The following ABHD2 variants were observed in gnomAD, a reference collection of about 807,000 sequenced individuals.
ABHD2 encodes abhydrolase domain containing 2, acylglycerol lipase.
ABHD2 carries 20 observed loss-of-function variants against 48.1 expected under a neutral mutation model. The ratio of observed to expected loss-of-function variants is 0.42; its 90% CI spans 0.29 to 0.60. The LOEUF (loss-of-function observed/expected upper bound fraction) is 0.60. Among genes scored for constraint, ABHD2 ranks in the 20% least tolerant of loss-of-function variants. The probability of loss-of-function intolerance (pLI) is 0.24; values close to 1 mark genes in which losing one functional copy is unlikely to be tolerated. For missense variants in ABHD2, 405 were observed against 550.9 expected, an observed-to-expected ratio of 0.74 and a Z score of 2.65; for synonymous variants, 209 against 214.2, an observed-to-expected ratio of 0.98 and a Z score of 0.21.
chr15:89,136,556 G>GC (rs34649557), intron 3 of ABHD2: 52,508 of 293,068 alleles, frequency 0.18, 5,494 homozygotes, highest in Admixed American at 0.31. Flanking sequence ...GCTCTCACTT[G>GC]CCCCAGTGCT....
chr15:89,056,131 A>G, the ABHD2 span, among the ~76,000 whole-genome samples: 1 of 152,174 alleles, frequency 6.6e-6, no homozygotes, highest in Admixed American at 6.5e-5. Flanking sequence ...GGGATTACAG[A>G]TGTGAGCTGC....
rs1017597133 is a variant in ABHD2, at chr15:89,114,437, G to A, written c.-7+613G>A. On this transcript the variant is annotated intron_variant, in intron 2 of 10. Transcript: ENST00000352732. The surrounding 1 kb of genome is among the most constrained non-coding windows in gnomAD (Gnocchi z 4.2). Reference sequence around the variant, plus strand: ...CAGCTTTCAGGGGATATGACCCCAGGAGTGAGGAGGAGTGTCACCAGAAGT... The same window carrying A: ...CAGCTTTCAGGGGATATGACCCCAGAAGTGAGGAGGAGTGTCACCAGAAGT... Among the ~76,000 whole-genome samples, 3 of 152,118 alleles carry A rather than the reference G, an allele frequency of 2.0e-5. No individual in the cohort carries two copies. The highest frequency in any genetic ancestry group is 3.9e-4 in the East Asian group (2 of 5,192).
the ABHD2 span, among the ~76,000 whole-genome samples, chr15:89,058,677 G>A: frequency 6.6e-6 from 1 of 152,082 alleles, no homozygotes; most frequent in Non-Finnish European, 1.5e-5. Context: ...GTTGTGACAG[G>A]CCAAGTCCCT....
intron 3 of ABHD2, among the ~76,000 whole-genome samples, chr15:89,133,828 T>G (rs976427048): frequency 2.1e-5 from 3 of 140,858 alleles, no homozygotes; most frequent in Non-Finnish European, 4.5e-5. Context: ...GTATTTGCCA[T>G]GCATAATTTT....
At chr15:89,108,060 T>C (rs2049815203) in intron 1 of ABHD2, among the ~76,000 whole-genome samples, 2 of 152,160 alleles carry the variant, frequency 1.3e-5, no homozygotes, top group Non-Finnish European at 2.9e-5. Flanking sequence ...TTAGCTGTCA[T>C]CTGAATTGAT....
Position 89,120,314 on chromosome 15 carries a change from T to C in ABHD2, c.194+3793T>C, listed in dbSNP as rs1452506992. 2.0e-5 allele frequency among the ~76,000 whole-genome samples: 3 copies of C among 152,208 alleles called. No homozygotes were observed. The highest frequency in any genetic ancestry group is 4.8e-5 in the African/African-American group (2 of 41,452). On this transcript the variant is annotated intron_variant, in intron 3 of 10. Transcript: ENST00000352732. The surrounding 1 kb of genome is among the most constrained non-coding windows in gnomAD (Gnocchi z 4.2). The stretch of plus-strand genomic sequence containing the variant: ...CCTAGTGATTCATTTTTTGTTCTCA[T>C]GAAGTGTTTACTTTTAGTGAAACAA...
the ABHD2 span, among the ~76,000 whole-genome samples, chr15:89,049,637 G>C: frequency 6.6e-6 from 1 of 152,212 alleles, no homozygotes; most frequent in South Asian, 2.1e-4. Context: ...ATTCAGGTGG[G>C]AGTGACCCGA....
intron 3 of ABHD2, among the ~76,000 whole-genome samples, chr15:89,129,733 A>G (rs1266273286): frequency 1.3e-5 from 2 of 151,584 alleles, no homozygotes; most frequent in Non-Finnish European, 2.9e-5. Context: ...CCGAGCTTCT[A>G]TTTCCTCATT....
chr15:89,124,814 C>T (rs543007372), intron 3 of ABHD2, among the ~76,000 whole-genome samples: 4 of 152,126 alleles, frequency 2.6e-5, no homozygotes, highest in South Asian at 2.1e-4. Context: ...TAGGGCTGGG[C>T]GCGGTGGCTA....
chr15:89,175,664 C>A lies in ABHD2; in HGVS notation c.539-148C>A. 2 of 805,502 alleles carry A rather than the reference C, an allele frequency of 2.5e-6. No homozygotes were observed. The highest frequency in any genetic ancestry group is 3.8e-6 in the Non-Finnish European group (2 of 519,794). The allele number at this position is 805,502 out of a possible 1,614,324, so 49.9% of individuals were successfully genotyped here. A position where few individuals can be genotyped will look rare whatever the true frequency, so the allele number is the denominator to read the frequency against. The stretch of plus-strand genomic sequence containing the variant: ...CAGTGTCTGTCTCTCTCTCCACACA[C>A]ATCCCCCGACACACACACGTATATA... On this transcript the variant is annotated intron_variant, in intron 5 of 10. Transcript: ENST00000352732. The surrounding 1 kb of genome is among the most constrained non-coding windows in gnomAD (Gnocchi z 5.7).
chr15:89,043,159 G>A, the ABHD2 span, among the ~76,000 whole-genome samples: 1 of 152,204 alleles, frequency 6.6e-6, no homozygotes. Context: ...CAACAGGGCT[G>A]TGGAGAAGAC....
At chr15:89,165,307 A>T (rs1471353787) in intron 5 of ABHD2, among the ~76,000 whole-genome samples, 3 of 151,976 alleles carry the variant, frequency 2.0e-5, no homozygotes, top group South Asian at 4.1e-4. Flanking sequence ...TTTTTTTTTA[A>T]AAAAATTCCT....
At chr15:89,067,221 T>C in the ABHD2 span, among the ~76,000 whole-genome samples, 1 of 152,196 alleles carries the variant, frequency 6.6e-6, no homozygotes, top group Non-Finnish European at 1.5e-5. Flanking sequence ...ACACTATTTA[T>C]TGGTGATCAA....
Position 89,188,379 on chromosome 15 carries a change from G to A in ABHD2, c.926+76G>A, listed in dbSNP as rs901527137. The A allele has an allele frequency of 8.3e-6, 11 of 1,324,260 alleles. No homozygotes were observed. The highest frequency in any genetic ancestry group is 1.2e-5 in the Non-Finnish European group (11 of 926,976). 82.0% of individuals were successfully genotyped at this position (1,324,260 alleles called of 1,614,324 possible). ...GGAGGCTGCAGGTCAGCTGTGCCCA[G>A]CACTAGTGTTTGCTCTGCCTACTTG... On this transcript the variant is annotated intron_variant, in intron 8 of 10. Transcript: ENST00000352732. The surrounding 1 kb of genome is among the most constrained non-coding windows in gnomAD (Gnocchi z 4.1).
Position 89,137,602 on chromosome 15 carries a change from C to A in ABHD2, c.195-14075C>A, listed in dbSNP as rs1280065680. 2.0e-5 allele frequency among the ~76,000 whole-genome samples: 3 copies of A among 152,148 alleles called. No homozygotes were observed. The highest frequency in any genetic ancestry group is 7.2e-5 in the African/African-American group (3 of 41,420). On this transcript the variant is annotated intron_variant, in intron 3 of 10. Transcript: ENST00000352732. This position sits in a 1 kb window ranked among gnomAD's most constrained non-coding sequence, Gnocchi z 4.8. ...TCAGGCCACTTTTGGTCATTTCAGG[C>A]AGAAACAGTCTCTGCATTGGAATTT...
intron 1 of ABHD2, among the ~76,000 whole-genome samples, chr15:89,095,063 CAAAAAAAA>C (rs72090062): frequency 5.6e-5 from 3 of 53,786 alleles, no homozygotes; most frequent in Admixed American, 1.9e-4. Flanking sequence ...GACTGTGTCT[CAAAAAAAA>C]AAAAAAAAAA....
intron 9 of ABHD2, among the ~76,000 whole-genome samples, chr15:89,192,371 T>C (rs2051321096): frequency 6.6e-6 from 1 of 152,190 alleles, no homozygotes; most frequent in Non-Finnish European, 1.5e-5. Flanking sequence ...AGTCTCCCTA[T>C]CAGTACCATC....
intron 1 of ABHD2, among the ~76,000 whole-genome samples, chr15:89,105,003 C>G (rs2049760871): frequency 6.6e-6 from 1 of 152,142 alleles, no homozygotes; most frequent in South Asian, 2.1e-4. Flanking sequence ...AATTCATATG[C>G]CTGTTCTCTT....
chr15:89,062,550 C>G, the ABHD2 span, among the ~76,000 whole-genome samples: 1 of 151,930 alleles, frequency 6.6e-6, no homozygotes, highest in African/African-American at 2.4e-5. Flanking sequence ...CAACACCACA[C>G]CTAAGTTTTG....
Sources: gnomAD v4.1 joint callset for allele counts (sites outside exome capture counted in the v4.1 genomes callset) on GRCh38, gnomAD v4.1.1 for gene constraint, Gnocchi (gnomAD v3.1) non-coding constraint, MANE v1.5 for transcripts, NCBI Gene and HGNC (gene_info 2026-07-23, HGNC 2026-07-21) for gene names.